The following HCN1 variants were observed in gnomAD, a reference collection of about 807,000 sequenced individuals.
HCN1 encodes hyperpolarization activated cyclic nucleotide gated potassium channel 1, also known as potassium/sodium hyperpolarization-activated cyclic nucleotide-gated channel 1.
A neutral mutation model predicts 78.9 loss-of-function variants in HCN1; 13 were observed. That is an observed-to-expected ratio of 0.16 (90% CI 0.11 to 0.26). The LOEUF is 0.26. HCN1 is among the 10% of genes least tolerant of loss of function. The pLI is 1.00. For missense variants in HCN1, 810 were observed against 1,154.3 expected (o/e 0.70, Z 4.32); for synonymous variants, 552 against 455.5 (o/e 1.21, Z -2.70).
At chr5:45,612,002 A>G (rs1008140901) in intron 2 of HCN1, among the ~76,000 whole-genome samples, 1 of 152,216 alleles carries the variant, frequency 6.6e-6, no homozygotes, top group African/African-American at 2.4e-5. Context: ...ACAAGTTTTC[A>G]GAGTTTATGA....
chr5:45,332,898 C>T (rs1185430234), intron 5 of HCN1, among the ~76,000 whole-genome samples: 1 of 151,674 alleles, frequency 6.6e-6, no homozygotes, highest in Non-Finnish European at 1.5e-5. Flanking sequence ...TGTTGATGGA[C>T]ACTTCAGTTG....
chr5:45,287,099 C>CTG (rs968145857), intron 6 of HCN1, among the ~76,000 whole-genome samples: 37 of 147,658 alleles, frequency 2.5e-4, no homozygotes, highest in East Asian at 2.0e-3. Flanking sequence ...GTGTGTGTGT[C>CTG]TGTGTGTGTG....
At position 45,375,513 on chromosome 5, in the gene HCN1, TTA is replaced by T. The variant is rs1324696296; in HGVS notation, c.1230+20977_1230+20978del. Among the ~76,000 whole-genome samples, 4 of 41,816 alleles carry T rather than the reference TTA, an allele frequency of 9.6e-5. 1 individual carries two copies. The highest frequency in any genetic ancestry group is 7.6e-4 in the African/African-American group (4 of 5,298). The allele number at this position is 41,816 out of a possible 152,430, so 27.4% of individuals were successfully genotyped here. ...TACATATTATATATAAGATCATATT[TTA>T]TGATACATATTATATATAAGATCAT... is the stretch of plus-strand genomic sequence containing the variant. On this transcript the variant is annotated intron_variant, in intron 4 of 7. Coordinates refer to ENST00000303230, the MANE Select transcript of HCN1 (RefSeq NM_021072.4).
chr5:45,571,432 T>C (rs1213643108), intron 2 of HCN1, among the ~76,000 whole-genome samples: 2 of 152,298 alleles, frequency 1.3e-5, no homozygotes, highest in East Asian at 3.9e-4. Context: ...CTGGAGTTGC[T>C]ATACCATATT....
chr5:45,547,175 C>T (rs1455393748), intron 2 of HCN1, among the ~76,000 whole-genome samples: 2 of 151,854 alleles, frequency 1.3e-5, no homozygotes, highest in African/African-American at 4.8e-5. Flanking sequence ...ATAGATCCTT[C>T]ATGATATGTC....
At chr5:45,441,827 A>C (rs538303161) in intron 3 of HCN1, among the ~76,000 whole-genome samples, 1 of 152,290 alleles carries the variant, frequency 6.6e-6, no homozygotes, top group South Asian at 2.1e-4. Context: ...ATGTTTCTCA[A>C]CAATAGGTAA....
chr5:45,384,151 C>T (rs1432341208), intron 4 of HCN1, among the ~76,000 whole-genome samples: 1 of 152,046 alleles, frequency 6.6e-6, no homozygotes, highest in Admixed American at 6.6e-5. Flanking sequence ...TAACAGCCAC[C>T]GTATATACTC....
intron 3 of HCN1, among the ~76,000 whole-genome samples, chr5:45,404,955 T>C (rs1465602933): frequency 2.0e-5 from 3 of 152,068 alleles, no homozygotes; most frequent in African/African-American, 7.2e-5. Context: ...TATAAACGTG[T>C]TGAAGTAGGT....
intron 6 of HCN1, among the ~76,000 whole-genome samples, chr5:45,294,867 A>G (rs998416146): frequency 3.3e-5 from 5 of 152,222 alleles, no homozygotes; most frequent in African/African-American, 1.2e-4. Flanking sequence ...TTCTGGAAAG[A>G]ACACAGGCTT....
In HCN1 at chr5:45,461,784, T is replaced by A. The variant is rs1285007921; in HGVS notation, c.1011+62A>T. The A allele has an allele frequency of 2.2e-6, 3 of 1,362,148 alleles. No individual in the cohort carries two copies. The African/African-American group carries it at 4.3e-5, about 20-fold the overall frequency. 84.4% of individuals were successfully genotyped at this position (1,362,148 alleles called of 1,614,324 possible). On this transcript the variant is annotated intron_variant, in intron 3 of 7. Transcript: ENST00000303230. ...AGAAATCAGATCATTGTAACATAAT[T>A]ACTTAAAAGGTTTTGGCACAACGTT...
chr5:45,540,581 T>C (rs182084169), intron 2 of HCN1, among the ~76,000 whole-genome samples: 261 of 152,260 alleles, frequency 1.7e-3, no homozygotes, highest in African/African-American at 5.6e-3. Flanking sequence ...CTACCTGCCT[T>C]GGCCACCTAA....
intron 6 of HCN1, among the ~76,000 whole-genome samples, chr5:45,294,267 C>A (rs1310161137): frequency 4.6e-5 from 7 of 151,942 alleles, no homozygotes; most frequent in African/African-American, 1.2e-4. Flanking sequence ...TTAAAAATGT[C>A]AAATAATCAT....
chr5:45,493,552 T>C (rs979067051), intron 2 of HCN1, among the ~76,000 whole-genome samples: 1 of 152,080 alleles, frequency 6.6e-6, no homozygotes, highest in Non-Finnish European at 1.5e-5. Flanking sequence ...AGAATATATT[T>C]ACCAATGTAT....
chr5:45,262,710 A>G lies in HCN1; in HGVS notation c.1884T>C (p.His628=). Residue 628 remains histidine, a synonymous_variant, in exon 8 of 8, where the codon CAT becomes CAC. Transcript: ENST00000303230. ...ENEILKQIVK[H]DREMVQAIAP... ...CGATTGCCTGCACCATCTCCCTGTC[A>G]TGTTTCACAATCTGCTTGAGGATTT... 1.2e-6 allele frequency: 2 copies of G among 1,614,102 alleles called. No individual in the cohort carries two copies. The highest frequency in any genetic ancestry group is 1.7e-6 in the Non-Finnish European group (2 of 1,179,998).
At chr5:45,344,637 G>C (rs1360938808) in intron 5 of HCN1, among the ~76,000 whole-genome samples, 1 of 152,138 alleles carries the variant, frequency 6.6e-6, no homozygotes, top group Non-Finnish European at 1.5e-5. Context: ...AAATAAGCAG[G>C]GCAGTCAAAT....
chr5:45,470,634 T>C (rs920387948), intron 2 of HCN1, among the ~76,000 whole-genome samples: 2 of 151,970 alleles, frequency 1.3e-5, no homozygotes, highest in African/African-American at 4.8e-5. Flanking sequence ...ACTATCTGAA[T>C]TGTCGAAAGT....
chr5:45,485,235 A>T (rs535137748), intron 2 of HCN1, among the ~76,000 whole-genome samples: 1 of 152,306 alleles, frequency 6.6e-6, no homozygotes, highest in South Asian at 2.1e-4. Context: ...ATAAGTGACG[A>T]CTTGATGCCT....
At chr5:45,287,976 C>T (rs1238852165) in intron 6 of HCN1, among the ~76,000 whole-genome samples, 1 of 151,990 alleles carries the variant, frequency 6.6e-6, no homozygotes, top group Non-Finnish European at 1.5e-5. Context: ...ATCATTTCAT[C>T]CTCTAAGCAA....
chr5:45,468,430 G>T (rs570220039), intron 2 of HCN1, among the ~76,000 whole-genome samples: 16 of 152,062 alleles, frequency 1.1e-4, no homozygotes, highest in African/African-American at 3.4e-4. Context: ...AAAATAAAAA[G>T]AAAGCAATTT....
Sources: gnomAD v4.1 joint callset for allele counts (sites outside exome capture counted in the v4.1 genomes callset) on GRCh38, gnomAD v4.1.1 for gene constraint, MANE v1.5 for transcripts, NCBI Gene and HGNC (gene_info 2026-07-23, HGNC 2026-07-21) for gene names.